Variants in NEK5 observed in about 807,000 individuals in gnomAD.
NEK5 encodes serine/threonine-protein kinase Nek5.
A neutral mutation model predicts 109.2 loss-of-function variants in NEK5; 88 were observed. That is an observed-to-expected ratio of 0.81 (90% CI 0.68 to 0.96). NEK5 has a LOEUF of 0.96. Among genes scored for constraint, NEK5 ranks in the 40% least tolerant of loss-of-function variants. The pLI is 0.00. For synonymous variants in NEK5, 283 were observed against 299.9 expected (o/e 0.94, Z 0.58); for missense variants, 834 against 920.7 (o/e 0.91, Z 1.22).
At chr13:52,046,018 C>T (rs1005119339) in intron 23 of NEK5, among the ~76,000 whole-genome samples, 2 of 147,134 alleles carry the variant, frequency 1.4e-5, no homozygotes, top group African/African-American at 5.1e-5. Flanking sequence ...TTGCAGTGAG[C>T]CAAGATCATG....
At chr13:52,120,550 A>T (rs549536296) in intron 3 of NEK5, among the ~76,000 whole-genome samples, 1 of 152,322 alleles carries the variant, frequency 6.6e-6, no homozygotes, top group Non-Finnish European at 1.5e-5. Context: ...TCGAAAAAAA[A>T]AGAGAAATAA....
intron 23 of NEK5, among the ~76,000 whole-genome samples, chr13:52,037,620 G>A (rs1353442358): frequency 6.6e-6 from 1 of 152,124 alleles, no homozygotes. Context: ...AGAAGCTAAG[G>A]CTCAGAGAGG....
intron 14 of NEK5, among the ~76,000 whole-genome samples, chr13:52,088,340 C>G (rs1218285111): frequency 6.6e-6 from 1 of 151,914 alleles, no homozygotes. Flanking sequence ...CTGCAACCTC[C>G]TCCTCCTGGG....
At chr13:52,117,445 TAAA>T (rs1385224645) in intron 4 of NEK5, among the ~76,000 whole-genome samples, 2 of 152,220 alleles carry the variant, frequency 1.3e-5, no homozygotes, top group African/African-American at 4.8e-5. Flanking sequence ...GTGCTCTACT[TAAA>T]AAGAGTCATA....
intron 12 of NEK5, 136 bp from the exon 13 acceptor site, chr13:52,093,371 C>G: frequency 1.8e-6 from 1 of 570,398 alleles, no homozygotes; most frequent in Non-Finnish European, 3.1e-6. Context: ...ACCAGCCTGG[C>G]CAACATGGCA....
chr13:52,036,982 C>T lies in NEK5; in HGVS notation c.2465G>A (p.Gly822Glu), dbSNP rs1445153675. ...DHICITDEDQ[G>E]TSTTSQNIQV is the part of the protein sequence containing the mutation. Reference sequence around the variant, plus strand: ...TATATTTTGACTGGTTGTTGATGTTCCTTGGTCTTCATCAGTAATACAAAT... The same window carrying T: ...TATATTTTGACTGGTTGTTGATGTTTCTTGGTCTTCATCAGTAATACAAAT... Residue 822 changes from glycine (G) to glutamate (E), a missense_variant, in exon 24 of 24, where the codon GGA becomes GAA. Physicochemically the swap from Gly to Glu is moderately conservative, Grantham distance 98 (BLOSUM62 -2). Coordinates refer to ENST00000684899, the MANE Select transcript of NEK5 (RefSeq NM_001365552.1). The T allele has an allele frequency of 6.1e-6, 6 of 984,996 alleles. No homozygotes were observed. The highest frequency in any genetic ancestry group is 5.2e-4 in the Middle Eastern group (1 of 1,934). 61.0% of individuals were successfully genotyped at this position (984,996 alleles called of 1,614,324 possible). A position where few individuals can be genotyped will look rare whatever the true frequency, so the allele number is the denominator to read the frequency against.
chr13:52,049,197 A>G (rs369438770), intron 23 of NEK5, among the ~76,000 whole-genome samples: 37 of 152,246 alleles, frequency 2.4e-4, no homozygotes, highest in South Asian at 4.1e-4. Context: ...CCAAGGTGGG[A>G]GGACAACTTG....
chr13:52,094,558 C>A (rs934155443), intron 12 of NEK5, among the ~76,000 whole-genome samples: 1 of 152,112 alleles, frequency 6.6e-6, no homozygotes, highest in Non-Finnish European at 1.5e-5. Context: ...CTGAGGCAGG[C>A]GGATCACGAG....
At chr13:52,044,618 C>A (rs1296319725) in intron 23 of NEK5, among the ~76,000 whole-genome samples, 1 of 152,108 alleles carries the variant, frequency 6.6e-6, no homozygotes, top group Non-Finnish European at 1.5e-5. Flanking sequence ...TATTCTCAAA[C>A]AGTAGGGTTT....
intron 23 of NEK5, among the ~76,000 whole-genome samples, chr13:52,037,552 T>G (rs1954371931): frequency 6.6e-6 from 1 of 152,190 alleles, no homozygotes; most frequent in Non-Finnish European, 1.5e-5. Flanking sequence ...ACTTATACCA[T>G]ATTCCACTTA....
At chr13:52,123,352 A>C (rs749926121) in intron 3 of NEK5, among the ~76,000 whole-genome samples, 60 of 152,212 alleles carry the variant, frequency 3.9e-4, no homozygotes, top group Non-Finnish European at 7.9e-4. Context: ...GTGATGAAAA[A>C]TTGGTGCTCT....
intron 12 of NEK5, among the ~76,000 whole-genome samples, chr13:52,096,915 G>A (rs749430066): frequency 4.6e-5 from 7 of 152,200 alleles, no homozygotes; most frequent in Non-Finnish European, 1.0e-4. Context: ...GAATGGCTTT[G>A]AGGACCAAGC....
At chr13:52,089,354 CA>C (rs774475493) in intron 13 of NEK5, 41 bp from the exon 14 acceptor site, 2 of 1,315,744 alleles carry the variant, frequency 1.5e-6, no homozygotes, top group Non-Finnish European at 2.2e-6. Context: ...GAAACTTGAA[CA>C]AATCTTAGGC....
intron 3 of NEK5, among the ~76,000 whole-genome samples, chr13:52,120,265 C>T (rs1341703854): frequency 1.3e-5 from 2 of 151,972 alleles, no homozygotes; most frequent in East Asian, 3.9e-4. Context: ...GTTTCCTGCC[C>T]CAATTTAAAT....
chr13:52,059,168 G>T (rs1954589203), intron 22 of NEK5, among the ~76,000 whole-genome samples: 1 of 73,900 alleles, frequency 1.4e-5, no homozygotes, highest in Admixed American at 1.7e-4. Context: ...CTTCTCAAAA[G>T]AAGACATTTA....
At chr13:52,043,228 T>A (rs894117685) in intron 23 of NEK5, among the ~76,000 whole-genome samples, 1 of 151,776 alleles carries the variant, frequency 6.6e-6, no homozygotes, top group Non-Finnish European at 1.5e-5. Context: ...AAGGACACTT[T>A]AAAAAAAATC....
At chr13:52,117,961 A>C (rs1955894451) in intron 4 of NEK5, among the ~76,000 whole-genome samples, 1 of 152,214 alleles carries the variant, frequency 6.6e-6, no homozygotes, top group African/African-American at 2.4e-5. Context: ...CACTTTATTC[A>C]GTGGCTTTCC....
intron 3 of NEK5, among the ~76,000 whole-genome samples, chr13:52,120,767 C>A (rs1429444395): frequency 6.6e-6 from 1 of 151,942 alleles, no homozygotes; most frequent in East Asian, 1.9e-4. Context: ...AAAAAATTAG[C>A]CAGGCGTGGT....
chr13:52,082,405 AT>A, intron 17 of NEK5: 1 of 1,099,268 alleles, frequency 9.1e-7, no homozygotes, highest in Non-Finnish European at 1.1e-6. Flanking sequence ...TGGGCTTCTT[AT>A]TCGCAAAATA....
Sources: allele counts gnomAD v4.1 joint callset (sites outside exome capture counted in the v4.1 genomes callset), GRCh38; gene constraint gnomAD v4.1.1; transcripts MANE v1.5; gene names NCBI Gene and HGNC (gene_info 2026-07-23, HGNC 2026-07-21).